XXYLT1: variants seen among roughly 807,000 people sequenced by gnomAD.
The protein encoded by XXYLT1 is xyloside xylosyltransferase 1.
A neutral mutation model predicts 28.9 loss-of-function variants in XXYLT1; 20 were observed. The observed-to-expected ratio is 0.69, with a 90% CI of 0.49 to 1.00. The LOEUF (loss-of-function observed/expected upper bound fraction) is 1.00, where lower values mean the gene tolerates loss of function less well. Ranked by LOEUF, XXYLT1 falls within the 50% of genes least tolerant of loss-of-function variation. The pLI, the probability that XXYLT1 is intolerant of heterozygous loss-of-function variation, is 0.00. For missense variants in XXYLT1, 542 were observed against 560.1 expected, an observed-to-expected ratio of 0.97 and a Z score of 0.33; for synonymous variants, 257 against 253.8, an observed-to-expected ratio of 1.01 and a Z score of -0.12.
chr3:195,263,331 G>C (rs954269223), intron 1 of XXYLT1, among the ~76,000 whole-genome samples: 2 of 152,286 alleles, frequency 1.3e-5, no homozygotes, highest in Admixed American at 6.5e-5. Context: ...GGTTTAAAGG[G>C]TGTCCCCTGG....
intron 3 of XXYLT1, among the ~76,000 whole-genome samples, chr3:195,096,960 A>C (rs555772052): frequency 2.8e-4 from 42 of 152,328 alleles, no homozygotes; most frequent in Non-Finnish European, 5.7e-4. Context: ...AATAAGAAAA[A>C]CAACAGGGGT....
At chr3:195,171,075 T>C (rs1462235415) in intron 2 of XXYLT1, among the ~76,000 whole-genome samples, 1 of 152,210 alleles carries the variant, frequency 6.6e-6, no homozygotes, top group Non-Finnish European at 1.5e-5. Context: ...ATGAACTTGC[T>C]ACTGCCTAAA....
chr3:195,228,258 G>C (rs1383956638), intron 1 of XXYLT1, among the ~76,000 whole-genome samples: 1 of 149,696 alleles, frequency 6.7e-6, no homozygotes, highest in East Asian at 2.0e-4. Context: ...TGACTGCCCT[G>C]TTTACACTGT....
chr3:195,171,582 T>C (rs188835990), intron 2 of XXYLT1, among the ~76,000 whole-genome samples: 14 of 152,342 alleles, frequency 9.2e-5, no homozygotes, highest in Admixed American at 8.5e-4. Context: ...GGTGTCTTGA[T>C]TGTACTCTTA....
chr3:195,070,741 G>A (rs966909596), intron 3 of XXYLT1, among the ~76,000 whole-genome samples: 1 of 152,206 alleles, frequency 6.6e-6, no homozygotes, highest in Non-Finnish European at 1.5e-5. Context: ...CTCATTCATT[G>A]AGCCCCAAGC....
chr3:195,236,866 C>T (rs1341372398), intron 1 of XXYLT1, among the ~76,000 whole-genome samples: 1 of 152,116 alleles, frequency 6.6e-6, no homozygotes, highest in African/African-American at 2.4e-5. Flanking sequence ...TCCCTTCTGG[C>T]CCAGGGTGTC....
intron 1 of XXYLT1, among the ~76,000 whole-genome samples, chr3:195,248,812 C>T (rs1361128171): frequency 3.9e-5 from 6 of 152,060 alleles, no homozygotes; most frequent in Admixed American, 2.0e-4. Flanking sequence ...CCCAGCTACT[C>T]GGGAGGCTAA....
intron 3 of XXYLT1, among the ~76,000 whole-genome samples, chr3:195,119,287 C>CAAAAA (rs11328657): frequency 9.1e-6 from 1 of 109,558 alleles, no homozygotes; most frequent in Non-Finnish European, 1.9e-5. Flanking sequence ...CCATCTCAAA[C>CAAAAA]AAAAAAAAAA....
At chr3:195,105,307 G>A (rs1007844599) in intron 3 of XXYLT1, among the ~76,000 whole-genome samples, 11 of 152,186 alleles carry the variant, frequency 7.2e-5, no homozygotes, top group Admixed American at 1.3e-4. Context: ...TTTAACAGAC[G>A]AATTTTCCCT....
intron 1 of XXYLT1, among the ~76,000 whole-genome samples, chr3:195,252,901 G>A (rs2108842576): frequency 6.6e-6 from 1 of 152,288 alleles, no homozygotes; most frequent in East Asian, 1.9e-4. Context: ...AGGCGTTTAT[G>A]GCATACGCCA....
In XXYLT1 at chr3:195,168,353, C is replaced by T. The variant is rs1262712289; in HGVS notation, c.653-11772G>A. ...GATATACTCTACTGCGTTGTTCTCA[C>T]CCATGCCCAGCTAAGCAAGCCACAA... On this transcript the variant is annotated intron_variant, in intron 2 of 3. Coordinates refer to ENST00000310380, the MANE Select transcript of XXYLT1 (RefSeq NM_152531.5). This position sits in a 1 kb window ranked among gnomAD's most constrained non-coding sequence, Gnocchi z 4.3. 6.6e-6 allele frequency among the ~76,000 whole-genome samples: 1 copy of T among 152,228 alleles called. No homozygotes were observed. The highest frequency in any genetic ancestry group is 1.5e-5 in the Non-Finnish European group (1 of 68,038).
At chr3:195,221,557 C>T (rs1001759100) in intron 2 of XXYLT1, among the ~76,000 whole-genome samples, 1 of 152,172 alleles carries the variant, frequency 6.6e-6, no homozygotes, top group Non-Finnish European at 1.5e-5. Context: ...TAGAGCCCTG[C>T]TGCTTGTCTG....
At chr3:195,108,766 GTAT>G (rs1399128625) in intron 3 of XXYLT1, among the ~76,000 whole-genome samples, 4 of 152,156 alleles carry the variant, frequency 2.6e-5, no homozygotes, top group African/African-American at 7.2e-5. Flanking sequence ...TAATAATATG[GTAT>G]TATAATCGGA....
rs1348913259 is a variant in XXYLT1, at chr3:195,124,888, G to A, written c.785+31561C>T. 2.0e-5 allele frequency among the ~76,000 whole-genome samples: 3 copies of A among 152,208 alleles called. No individual in the cohort carries two copies. The highest frequency in any genetic ancestry group is 7.2e-5 in the African/African-American group (3 of 41,440). On this transcript the variant is annotated intron_variant, in intron 3 of 3. Coordinates refer to ENST00000310380, the MANE Select transcript of XXYLT1 (RefSeq NM_152531.5). The surrounding 1 kb of genome is among the most constrained non-coding windows in gnomAD (Gnocchi z 4.1). ...TTTTTCACGGACGCAGCACACATCT[G>A]TATTTTCTATCAGGCTGCGGGTGCA...
Position 195,069,616 on chromosome 3 carries a change from T to A in XXYLT1, c.*99A>T. The A allele has an allele frequency of 6.8e-7, 1 of 1,474,916 alleles. No individual in the cohort carries two copies. The highest frequency in any genetic ancestry group is 1.3e-5 in the South Asian group (1 of 74,904). The allele number at this position is 1,474,916 out of a possible 1,614,324, so 91.4% of individuals were successfully genotyped here. A position where few individuals can be genotyped will look rare whatever the true frequency, so the allele number is the denominator to read the frequency against. On this transcript the variant is annotated 3_prime_UTR_variant, in exon 4 of 4. Transcript: ENST00000310380. ...CCTTAATCACAGGACTTCCCTGCGG[T>A]GTCTCTCTAGCGGGTCAGACACTGC...
At chr3:195,098,371 T>C (rs939626885) in intron 3 of XXYLT1, among the ~76,000 whole-genome samples, 1 of 151,968 alleles carries the variant, frequency 6.6e-6, no homozygotes. Flanking sequence ...GGCTAACATG[T>C]TGAAACCCTG....
At chr3:195,113,594 C>A (rs1251658023) in intron 3 of XXYLT1, among the ~76,000 whole-genome samples, 2 of 152,124 alleles carry the variant, frequency 1.3e-5, no homozygotes, top group Admixed American at 6.5e-5. Flanking sequence ...TGTTAGAATC[C>A]TTTTTCTCTT....
At chr3:195,164,440 C>A (rs13321763) in intron 2 of XXYLT1, among the ~76,000 whole-genome samples, 3,814 of 152,336 alleles carry the variant, frequency 0.025, 69 homozygotes, top group Middle Eastern at 0.048. Flanking sequence ...AGGCTGCCAT[C>A]CTGAAGGACT....
intron 3 of XXYLT1, chr3:195,086,063 A>T (rs928108638): frequency 6.6e-6 from 1 of 152,126 alleles, no homozygotes; most frequent in Non-Finnish European, 1.5e-5. Flanking sequence ...ATTTGTACAC[A>T]CAGAGCACAC....
Sources: gnomAD v4.1 joint callset for allele counts (sites outside exome capture counted in the v4.1 genomes callset) on GRCh38, gnomAD v4.1.1 for gene constraint, Gnocchi (gnomAD v3.1) non-coding constraint, MANE v1.5 for transcripts, NCBI Gene and HGNC (gene_info 2026-07-23, HGNC 2026-07-21) for gene names.